ENPP1: variants seen among roughly 807,000 people sequenced by gnomAD.
ENPP1 encodes ectonucleotide pyrophosphatase/phosphodiesterase 1.
In ENPP1, 73 loss-of-function variants were observed where a neutral mutation model predicts 122.8. The ratio of observed to expected loss-of-function variants is 0.59; its 90% confidence interval spans 0.49 to 0.72. ENPP1 has a LOEUF of 0.72. Ranked by LOEUF, ENPP1 falls within the 30% of genes least tolerant of loss-of-function variation. The pLI is 0.00. For synonymous variants in ENPP1, 367 were observed against 391.6 expected (o/e 0.94, Z 0.74); for missense variants, 978 against 1,128.1 (o/e 0.87, Z 1.91).
intron 1 of ENPP1, among the ~76,000 whole-genome samples, chr6:131,812,772 T>A (rs1424468955): frequency 2.0e-5 from 3 of 152,138 alleles, no homozygotes; most frequent in African/African-American, 7.2e-5. Flanking sequence ...ACATGAAAGG[T>A]ATACATTGAT....
chr6:131,858,620 C>T (rs924946088), intron 6 of ENPP1, 48 bp from the exon 7 acceptor site: 12 of 1,250,838 alleles, frequency 9.6e-6, no homozygotes, highest in Non-Finnish European at 1.4e-5. Context: ...TGAGGTAAGC[C>T]AATTGTCAGA....
chr6:131,869,198 G>C (rs888102949), intron 12 of ENPP1, among the ~76,000 whole-genome samples, 160 bp from the exon 13 acceptor site: 4 of 152,066 alleles, frequency 2.6e-5, no homozygotes, highest in Non-Finnish European at 1.5e-5. Flanking sequence ...GAAGTGATAG[G>C]TACAGCTGAA....
intron 1 of ENPP1, among the ~76,000 whole-genome samples, chr6:131,810,707 C>T (rs1355599712): frequency 6.6e-6 from 1 of 152,094 alleles, no homozygotes; most frequent in East Asian, 1.9e-4. Context: ...TTTAATTTAG[C>T]AGGATAAATA....
intron 1 of ENPP1, among the ~76,000 whole-genome samples, chr6:131,809,952 G>T (rs1278862935): frequency 1.3e-5 from 2 of 152,178 alleles, no homozygotes; most frequent in African/African-American, 4.8e-5. Context: ...CCACAAGTAG[G>T]ACTATTATGG....
Position 131,872,073 on chromosome 6 carries a change from A to T in ENPP1, c.1409A>T (p.Asn470Ile). 6.3e-7 allele frequency: 1 copy of T among 1,587,200 alleles called. No individual in the cohort carries two copies. Among genetic ancestry groups the T allele is most frequent in the Admixed American group, 1.7e-5 (1 of 59,972 alleles). ...SDVPDKYYSF[N>I]YEGIARNLSC... Reference sequence around the variant, plus strand: ...TCTTATGTTTGTTCCCCTCCAGTTAACTATGAAGGCATTGCCCGAAATCTT... The same window carrying T: ...TCTTATGTTTGTTCCCCTCCAGTTATCTATGAAGGCATTGCCCGAAATCTT... The change falls in exon 14 of 25, where the codon AAC (asparagine) becomes ATC (isoleucine). Residue 470 changes from asparagine (N) to isoleucine (I), a missense_variant. Transcript: ENST00000647893.
chr6:131,868,678 C>T (rs1782120230), intron 12 of ENPP1, among the ~76,000 whole-genome samples: 1 of 152,222 alleles, frequency 6.6e-6, no homozygotes, highest in African/African-American at 2.4e-5. Flanking sequence ...CTCTTGCTCT[C>T]AAGCTCCCAC....
rs1369013913 is a variant in ENPP1 at position 131,885,010 on chromosome 6, T to C, written c.2391T>C (p.Pro797=). 16 of 1,613,926 alleles carry C rather than the reference T, an allele frequency of 9.9e-6. No homozygotes were observed. In the East Asian group the frequency reaches 1.6e-4, roughly 16 times the overall value. ...ERNGVNVVSG[P]VFDFDYDGRC... ...ATGGTGTCAATGTCGTCAGTGGTCC[T>C]GTGTTTGACTTTGATTATGATGGAC... The change falls in exon 23 of 25, where the codon CCT becomes CCC. Residue 797 remains proline (P), a synonymous_variant. Coordinates refer to ENST00000647893, the MANE Select transcript of ENPP1 (RefSeq NM_006208.3).
chr6:131,885,597 T>G (rs373965856), intron 23 of ENPP1, among the ~76,000 whole-genome samples: 7 of 152,272 alleles, frequency 4.6e-5, no homozygotes, highest in Admixed American at 2.6e-4. Context: ...AAAGAACATC[T>G]TGGAAACTGG....
chr6:131,883,917 G>C, intron 22 of ENPP1, 143 bp downstream of exon 22: 1 of 578,780 alleles, frequency 1.7e-6, no homozygotes, highest in South Asian at 2.1e-5. Context: ...GAGAATACTA[G>C]TACACAAAAA....
chr6:131,880,056 A>C (rs766391620), intron 20 of ENPP1, 22 bp downstream of exon 20: 2 of 1,607,726 alleles, frequency 1.2e-6, no homozygotes, highest in Admixed American at 3.3e-5. Flanking sequence ...TCACCTCTTT[A>C]TGTGTGGCCA....
Position 131,894,487 on chromosome 6 carries a change from C to T in ENPP1, c.*3976C>T, listed in dbSNP as rs1782520969. ...GGAGATGGGGTTTCACTGTGTTGCTCAGGCTGGTCTTGATCTCCTGAGCTC... is the reference window on the plus strand; with the variant it reads ...GGAGATGGGGTTTCACTGTGTTGCTTAGGCTGGTCTTGATCTCCTGAGCTC... On this transcript the variant is annotated 3_prime_UTR_variant, in exon 25 of 25. Coordinates refer to ENST00000647893, the MANE Select transcript of ENPP1 (RefSeq NM_006208.3). 1 of 151,654 alleles carries T rather than the reference C, an allele frequency of 6.6e-6. No homozygotes were observed. Among genetic ancestry groups the T allele is most frequent in the African/African-American group, 2.4e-5 (1 of 41,130 alleles). The allele number at this position is 151,654 out of a possible 1,614,324, so 9.4% of individuals were successfully genotyped here. A position where few individuals can be genotyped will look rare whatever the true frequency, so the allele number is the denominator to read the frequency against.
rs536448872 is a variant in ENPP1, at chr6:131,841,892, A to G, written c.241-5884A>G. Among the ~76,000 whole-genome samples the G allele has an allele frequency of 2.0e-5, 3 of 152,252 alleles. No homozygotes were observed. In the East Asian group the frequency reaches 5.8e-4, roughly 29 times the overall value. On this transcript the variant is annotated intron_variant, in intron 1 of 24. Transcript: ENST00000647893. ...CCGGACTCATAACATAGCCTTCCACAATGATCCCAAGGGATCGTTCTGGGA... is the reference window on the plus strand; with the variant it reads ...CCGGACTCATAACATAGCCTTCCACGATGATCCCAAGGGATCGTTCTGGGA...
chr6:131,893,949 C>CTTTTTTTTTTTTTTTTTTTTTTTTTT lies in ENPP1; in HGVS notation c.*3443_*3468dup. ...GTGAAACCTTTATTTATCTTGATTTCTTTTTTTTTTTTTTTTTTTTTTTTT... is the reference window on the plus strand; with the variant it reads ...GTGAAACCTTTATTTATCTTGATTTCTTTTTTTTTTTTTTTTTTTTTTTTTTTTTTTTTTTTTTTTTTTTTTTTTTT... On this transcript the variant is annotated 3_prime_UTR_variant, in exon 25 of 25. Transcript: ENST00000647893. 1 of 59,476 alleles carries CTTTTTTTTTTTTTTTTTTTTTTTTTT rather than the reference C, an allele frequency of 1.7e-5. No homozygotes were observed. Among genetic ancestry groups the CTTTTTTTTTTTTTTTTTTTTTTTTTT allele is most frequent in the Non-Finnish European group, 3.1e-5 (1 of 32,640 alleles). 3.7% of individuals were successfully genotyped at this position (59,476 alleles called of 1,614,324 possible). A position where few individuals can be genotyped will look rare whatever the true frequency, so the allele number is the denominator to read the frequency against.
At chr6:131,881,242 CAT>C (rs1407650885) in intron 20 of ENPP1, among the ~76,000 whole-genome samples, 1 of 152,050 alleles carries the variant, frequency 6.6e-6, no homozygotes, top group African/African-American at 2.4e-5. Context: ...ATAATACACA[CAT>C]ATATTTATAT....
Position 131,816,669 on chromosome 6 carries a change from T to G in ENPP1, c.240+8394T>G, listed in dbSNP as rs184987107. ...AGATTTAGTTGCAAGAATTAAGATA[T>G]CTGTAGTGTCTTTGAAAAATTATTT... On this transcript the variant is annotated intron_variant, in intron 1 of 24. Coordinates refer to ENST00000647893, the MANE Select transcript of ENPP1 (RefSeq NM_006208.3). Among the ~76,000 whole-genome samples the G allele has an allele frequency of 3.9e-4, 60 of 152,370 alleles. 1 individual carries two copies. The highest frequency in any genetic ancestry group is 1.4e-3 in the African/African-American group (58 of 41,596).
intron 1 of ENPP1, among the ~76,000 whole-genome samples, chr6:131,840,260 T>A (rs1781723788): frequency 6.6e-6 from 1 of 152,262 alleles, no homozygotes; most frequent in Admixed American, 6.5e-5. Context: ...GTGCCATCAT[T>A]TCCTGCAAAA....
At chr6:131,810,898 G>A (rs1353125858) in intron 1 of ENPP1, among the ~76,000 whole-genome samples, 1 of 152,110 alleles carries the variant, frequency 6.6e-6, no homozygotes, top group East Asian at 1.9e-4. Context: ...TCTTAGGAGA[G>A]GGCCACCAAG....
intron 15 of ENPP1, 113 bp from the exon 16 acceptor site, chr6:131,874,155 G>T: frequency 1.3e-6 from 1 of 754,032 alleles, no homozygotes; most frequent in Non-Finnish European, 2.3e-6. Context: ...TTACCGTTGT[G>T]TTGGTTTAAC....
Position 131,877,160 on chromosome 6 carries a change from C to T in ENPP1, c.1892C>T (p.Ser631Leu), listed in dbSNP as rs773654100. Residue 631 changes from serine to leucine, a missense_variant and splice_region_variant, in exon 18 of 25, where the codon TCG becomes TTG. Coordinates refer to ENST00000647893, the MANE Select transcript of ENPP1 (RefSeq NM_006208.3). ...AACCTTGGCTGCTCATGTAACCCTT[C>T]GGTAAGTATCGTCAAGAAGTTTGGT... ...RDNLGCSCNP[S>L]ILPIEDFQTQ... 3.0e-5 allele frequency: 48 copies of T among 1,613,140 alleles called. No individual in the cohort carries two copies. The highest frequency in any genetic ancestry group is 1.6e-4 in the Middle Eastern group (1 of 6,062).
Sources: allele counts gnomAD v4.1 joint callset (sites outside exome capture counted in the v4.1 genomes callset), GRCh38; gene constraint gnomAD v4.1.1; transcripts MANE v1.5; gene names NCBI Gene and HGNC (gene_info 2026-07-23, HGNC 2026-07-21).